The following CALN1 variants were observed in gnomAD, a reference collection of about 807,000 sequenced individuals.
CALN1 encodes the protein calcium-binding protein 8.
CALN1 carries 17 observed loss-of-function variants against 30.6 expected under a neutral mutation model. The observed-to-expected ratio is 0.56, with a 90% confidence interval of 0.38 to 0.83. The LOEUF (loss-of-function observed/expected upper bound fraction) is 0.83. Ranked by LOEUF, CALN1 falls within the 40% of genes least tolerant of loss-of-function variation. The pLI, the probability that CALN1 is intolerant of heterozygous loss-of-function variation, is 0.00. For missense variants in CALN1, 291 were observed against 354.9 expected (o/e 0.82, Z 1.45); for synonymous variants, 156 against 131.4 (o/e 1.19, Z -1.28).
chr7:72,322,506 A>G (rs763254312), intron 2 of CALN1, among the ~76,000 whole-genome samples: 5 of 152,152 alleles, frequency 3.3e-5, no homozygotes, highest in African/African-American at 4.8e-5. Context: ...CATTTCTCCA[A>G]GCTTCCAATT....
chr7:72,042,507 G>T (rs1802190934), intron 4 of CALN1, among the ~76,000 whole-genome samples: 1 of 152,128 alleles, frequency 6.6e-6, no homozygotes, highest in African/African-American at 2.4e-5. Flanking sequence ...GAGAATGAAT[G>T]TCCAAGGTTT....
At chr7:72,383,462 C>CAT (rs377392852) in intron 2 of CALN1, among the ~76,000 whole-genome samples, 1 of 152,240 alleles carries the variant, frequency 6.6e-6, no homozygotes, top group African/African-American at 2.4e-5. Flanking sequence ...GGAGGTATCT[C>CAT]ATTATGGTTT....
intron 5 of CALN1, among the ~76,000 whole-genome samples, chr7:71,861,186 T>C (rs1016373465): frequency 6.6e-6 from 1 of 151,926 alleles, no homozygotes; most frequent in East Asian, 1.9e-4. Context: ...GGGGTGTGTG[T>C]GTGTGCGTGT....
At chr7:72,321,429 T>C (rs1800871466) in intron 2 of CALN1, among the ~76,000 whole-genome samples, 1 of 152,224 alleles carries the variant, frequency 6.6e-6, no homozygotes, top group South Asian at 2.1e-4. Context: ...CTGAACATAT[T>C]CACCACAACA....
chr7:72,242,626 A>G (rs540326984), intron 3 of CALN1, among the ~76,000 whole-genome samples: 67 of 152,318 alleles, frequency 4.4e-4, no homozygotes, highest in African/African-American at 1.6e-3. Context: ...AGTGGCTCAA[A>G]CATGTAATCC....
chr7:72,413,411 T>C (rs1585701557), upstream of CALN1, among the ~76,000 whole-genome samples: 1 of 151,394 alleles, frequency 6.6e-6, no homozygotes, highest in Non-Finnish European at 1.5e-5. Context: ...CACATGCACA[T>C]TCTTACACAC....
intron 2 of CALN1, among the ~76,000 whole-genome samples, chr7:72,374,745 T>C (rs561073434): frequency 3.5e-4 from 53 of 152,280 alleles, no homozygotes; most frequent in African/African-American, 1.2e-3. Context: ...TCTGGAGATT[T>C]AAGCCAGTGC....
intron 3 of CALN1, among the ~76,000 whole-genome samples, chr7:72,138,775 G>T (rs79235810): frequency 0.011 from 1,623 of 152,116 alleles, 13 homozygotes; most frequent in Non-Finnish European, 0.017. Context: ...CTCTCCCCTG[G>T]GTCCCCCCAC....
chr7:72,389,494 A>G (rs1238781315), intron 2 of CALN1, among the ~76,000 whole-genome samples: 2 of 152,206 alleles, frequency 1.3e-5, no homozygotes, highest in Non-Finnish European at 2.9e-5. Flanking sequence ...CTTCCCTGTT[A>G]GGCTTTAATT....
intron 5 of CALN1, among the ~76,000 whole-genome samples, chr7:71,958,240 C>A (rs1797067814): frequency 6.6e-6 from 1 of 152,184 alleles, no homozygotes; most frequent in East Asian, 1.9e-4. Context: ...TCAAATCTCA[C>A]CTCTCCCAAC....
chr7:72,259,091 ATAT>A (rs1796111170), intron 3 of CALN1, among the ~76,000 whole-genome samples: 1 of 150,424 alleles, frequency 6.6e-6, no homozygotes, highest in Non-Finnish European at 1.5e-5. Context: ...AATTTAAAAT[ATAT>A]TATTTATATA....
intron 6 of CALN1, among the ~76,000 whole-genome samples, chr7:71,800,014 A>C (rs1462725370): frequency 6.6e-6 from 1 of 152,190 alleles, no homozygotes; most frequent in African/African-American, 2.4e-5. Flanking sequence ...TGTTGATGAC[A>C]TATTGTGCCC....
At chr7:71,827,810 AT>A (rs1789018421) in intron 5 of CALN1, among the ~76,000 whole-genome samples, 2 of 145,624 alleles carry the variant, frequency 1.4e-5, no homozygotes, top group Non-Finnish European at 3.1e-5. Context: ...AAATAAATAA[AT>A]AAGGACTCCA....
intron 3 of CALN1, among the ~76,000 whole-genome samples, chr7:72,182,112 A>C (rs548236655): frequency 9.2e-5 from 14 of 152,336 alleles, no homozygotes; most frequent in Admixed American, 2.6e-4. Flanking sequence ...TTCTTAAAGA[A>C]ATAAATGAGA....
intron 3 of CALN1, among the ~76,000 whole-genome samples, chr7:72,278,242 G>A (rs1283884294): frequency 2.0e-5 from 3 of 152,094 alleles, no homozygotes; most frequent in Non-Finnish European, 2.9e-5. Context: ...GATCTGAACA[G>A]GATTCAAAGC....
chr7:71,857,265 C>G (rs977589761), intron 5 of CALN1, among the ~76,000 whole-genome samples: 1 of 152,140 alleles, frequency 6.6e-6, no homozygotes, highest in Non-Finnish European at 1.5e-5. Context: ...ATTCTGCAAT[C>G]TTACATGGCT....
At chr7:71,837,052 T>C (rs184007492) in intron 5 of CALN1, among the ~76,000 whole-genome samples, 2 of 151,142 alleles carry the variant, frequency 1.3e-5, no homozygotes, top group African/African-American at 4.8e-5. Context: ...GCCAACATGG[T>C]GAAACCCTGT....
chr7:72,222,183 G>A (rs1793353758), intron 3 of CALN1, among the ~76,000 whole-genome samples: 1 of 151,888 alleles, frequency 6.6e-6, no homozygotes, highest in South Asian at 2.1e-4. Context: ...CTTAGACTGT[G>A]CCCCTGCGCT....
intron 4 of CALN1, among the ~76,000 whole-genome samples, chr7:72,063,148 G>A (rs1348244578): frequency 6.6e-6 from 1 of 152,180 alleles, no homozygotes; most frequent in Non-Finnish European, 1.5e-5. Flanking sequence ...CTGTTCTTGA[G>A]CTGTATCTTG....
Sources: allele counts gnomAD v4.1 joint callset (sites outside exome capture counted in the v4.1 genomes callset), GRCh38; gene constraint gnomAD v4.1.1; transcripts MANE v1.5; gene names NCBI Gene and HGNC (gene_info 2026-07-23, HGNC 2026-07-21).